The following CAMKMT variants were observed in gnomAD, a reference collection of about 807,000 sequenced individuals.
CAMKMT encodes the protein CaM KMT.
A neutral mutation model predicts 48.0 loss-of-function variants in CAMKMT; 53 were observed. The ratio of observed to expected loss-of-function variants is 1.10; its 90% CI spans 0.89 to 1.39. The LOEUF is 1.39. Ranked by LOEUF, CAMKMT falls within the 40% of genes most tolerant of loss-of-function variation. CAMKMT has a pLI of 0.00. For synonymous variants in CAMKMT, 165 were observed against 152.3 expected, an observed-to-expected ratio of 1.08 and a Z score of -0.61; for missense variants, 428 against 402.7, an observed-to-expected ratio of 1.06 and a Z score of -0.54.
intron 3 of CAMKMT, among the ~76,000 whole-genome samples, chr2:44,451,842 A>G (rs1667303663): frequency 1.3e-5 from 2 of 151,932 alleles, no homozygotes; most frequent in Admixed American, 1.3e-4. Context: ...TGAAATTTTC[A>G]TGAGACAATT....
intron 3 of CAMKMT, among the ~76,000 whole-genome samples, chr2:44,458,390 C>G (rs1667684055): frequency 1.3e-5 from 2 of 152,068 alleles, no homozygotes; most frequent in Admixed American, 1.3e-4. Flanking sequence ...CGTGAAAACT[C>G]TGTAAATAGA....
intron 8 of CAMKMT, among the ~76,000 whole-genome samples, chr2:44,745,267 C>A (rs550602951): frequency 6.6e-6 from 1 of 152,104 alleles, no homozygotes; most frequent in Non-Finnish European, 1.5e-5. Context: ...TTGTCCCTTA[C>A]GCAAATATCA....
chr2:44,708,782 C>G (rs1181539881), intron 6 of CAMKMT, among the ~76,000 whole-genome samples: 1 of 152,076 alleles, frequency 6.6e-6, no homozygotes, highest in Non-Finnish European at 1.5e-5. Flanking sequence ...CAAGAGGAAG[C>G]TCAGGTATGC....
intron 3 of CAMKMT, among the ~76,000 whole-genome samples, chr2:44,661,492 T>A (rs1251952663): frequency 2.6e-5 from 4 of 151,874 alleles, no homozygotes; most frequent in African/African-American, 4.8e-5. Flanking sequence ...ATTTCTGTGT[T>A]TTTAGTAGAG....
intron 10 of CAMKMT, 35 bp from the exon 11 acceptor site, chr2:44,772,000 GT>G: frequency 7.0e-7 from 1 of 1,421,402 alleles, no homozygotes; most frequent in Non-Finnish European, 9.9e-7. Flanking sequence ...CCTAATTGGA[GT>G]CCCCTTACCT....
At chr2:44,682,502 C>T (rs1392967760) in intron 3 of CAMKMT, among the ~76,000 whole-genome samples, 1 of 152,162 alleles carries the variant, frequency 6.6e-6, no homozygotes, top group Non-Finnish European at 1.5e-5. Flanking sequence ...ACCCATTCTC[C>T]CTATGCTAAT....
chr2:44,768,314 TG>T (rs1389473620), intron 10 of CAMKMT, among the ~76,000 whole-genome samples: 2 of 147,842 alleles, frequency 1.4e-5, no homozygotes, highest in African/African-American at 5.0e-5. Flanking sequence ...TGGCACATCC[TG>T]GATAAAAGGT....
chr2:44,373,960 C>CA (rs11324956), intron 2 of CAMKMT, among the ~76,000 whole-genome samples: 1 of 151,066 alleles, frequency 6.6e-6, no homozygotes, highest in Non-Finnish European at 1.5e-5. Flanking sequence ...CCCACCTTTA[C>CA]AAAAAATACA....
Position 44,708,211 on chromosome 2 carries a change from A to ATTTTTTTTTTTTTTTTTT in CAMKMT, c.556+757_556+774dup, listed in dbSNP as rs59281575. 2.9e-5 allele frequency among the ~76,000 whole-genome samples: 2 copies of ATTTTTTTTTTTTTTTTTT among 68,192 alleles called. 1 individual carries two copies. The highest frequency in any genetic ancestry group is 5.1e-5 in the Non-Finnish European group (2 of 39,408). The allele number at this position is 68,192 out of a possible 152,430, so 44.7% of individuals were successfully genotyped here. On this transcript the variant is annotated intron_variant, in intron 6 of 10. Coordinates refer to ENST00000378494, the MANE Select transcript of CAMKMT (RefSeq NM_024766.5). ...AAAGTGGCAGATATGTTTGCTTTGG[A>ATTTTTTTTTTTTTTTTTT]TTTTTTTTTTTTTTTTTTTTTTTTT...
intron 3 of CAMKMT, among the ~76,000 whole-genome samples, chr2:44,629,437 T>TTTC (rs1558756419): frequency 7.2e-5 from 10 of 139,176 alleles, no homozygotes; most frequent in African/African-American, 2.6e-4. Flanking sequence ...TTCTTTCTTT[T>TTTC]TTTTTTTTTT....
chr2:44,512,065 C>T (rs746249001), intron 3 of CAMKMT, among the ~76,000 whole-genome samples: 16 of 152,122 alleles, frequency 1.1e-4, no homozygotes, highest in Non-Finnish European at 1.6e-4. Context: ...ATTGTTCTTC[C>T]GATTGCGTCT....
chr2:44,557,699 T>C (rs1668089952), intron 3 of CAMKMT, among the ~76,000 whole-genome samples: 2 of 152,256 alleles, frequency 1.3e-5, no homozygotes, highest in South Asian at 2.1e-4. Context: ...GTTAGCACCA[T>C]ATTTCTGAGT....
intron 3 of CAMKMT, among the ~76,000 whole-genome samples, chr2:44,563,867 G>C (rs188917198): frequency 6.6e-5 from 10 of 152,086 alleles, no homozygotes; most frequent in African/African-American, 2.4e-4. Context: ...TCTTAATCCA[G>C]TCTGTCATTG....
chr2:44,516,493 A>G (rs1670839256), intron 3 of CAMKMT, among the ~76,000 whole-genome samples: 1 of 152,074 alleles, frequency 6.6e-6, no homozygotes, highest in Admixed American at 6.6e-5. Context: ...ATGTTAAAAA[A>G]TTTTGTCCCT....
chr2:44,470,949 A>G (rs772239894), intron 3 of CAMKMT, among the ~76,000 whole-genome samples: 8 of 148,348 alleles, frequency 5.4e-5, no homozygotes, highest in Admixed American at 1.3e-4. Flanking sequence ...AGGAATATTA[A>G]TGTTTTGTTT....
intron 3 of CAMKMT, among the ~76,000 whole-genome samples, chr2:44,561,526 T>C (rs2103694912): frequency 6.6e-6 from 1 of 152,346 alleles, no homozygotes; most frequent in East Asian, 1.9e-4. Context: ...CCTGGTGACA[T>C]TTCCCAATAT....
intron 2 of CAMKMT, among the ~76,000 whole-genome samples, chr2:44,380,983 A>T (rs1359511271): frequency 6.6e-6 from 1 of 152,098 alleles, no homozygotes; most frequent in African/African-American, 2.4e-5. Flanking sequence ...AACATAGTGA[A>T]ACCCCATCTC....
chr2:44,526,918 G>C (rs1346761812), intron 3 of CAMKMT, among the ~76,000 whole-genome samples: 3 of 151,810 alleles, frequency 2.0e-5, no homozygotes, highest in Non-Finnish European at 2.9e-5. Context: ...AATCCCTTTA[G>C]GGTGTATAAT....
At chr2:44,622,531 C>T (rs879409591) in intron 3 of CAMKMT, among the ~76,000 whole-genome samples, 2 of 152,128 alleles carry the variant, frequency 1.3e-5, no homozygotes, top group Admixed American at 1.3e-4. Context: ...AATGTCTGTT[C>T]CCATCTTTGA....
Sources: allele counts gnomAD v4.1 joint callset (sites outside exome capture counted in the v4.1 genomes callset), GRCh38; gene constraint gnomAD v4.1.1; transcripts MANE v1.5; gene names NCBI Gene and HGNC (gene_info 2026-07-23, HGNC 2026-07-21).